Variants in TNR observed in about 807,000 individuals in gnomAD.
TNR encodes tenascin-R.
TNR carries 45 observed loss-of-function variants against 150.4 expected under a neutral mutation model. The observed-to-expected ratio is 0.30, with a 90% CI of 0.24 to 0.38. The LOEUF is 0.38. TNR is among the 10% of genes least tolerant of loss of function. The pLI, the probability that TNR is intolerant of heterozygous loss-of-function variation, is 1.00. For synonymous variants in TNR, 687 were observed against 678.4 expected (o/e 1.01, Z -0.20); for missense variants, 1,544 against 1,759.1 (o/e 0.88, Z 2.19).
At chr1:175,491,550 A>G (rs2102139471) in intron 2 of TNR, among the ~76,000 whole-genome samples, 1 of 151,790 alleles carries the variant, frequency 6.6e-6, no homozygotes. Context: ...TACACAAGTT[A>G]GTGGAAGCAT....
chr1:175,586,289 C>G (rs1274521349), intron 1 of TNR, among the ~76,000 whole-genome samples: 2 of 152,142 alleles, frequency 1.3e-5, no homozygotes, highest in African/African-American at 4.8e-5. Flanking sequence ...CTTTAGTTGT[C>G]TTTTTATTTC....
At chr1:175,424,658 G>A (rs1654891746) in intron 2 of TNR, among the ~76,000 whole-genome samples, 1 of 152,174 alleles carries the variant, frequency 6.6e-6, no homozygotes, top group Admixed American at 6.5e-5. Flanking sequence ...GAAGGTTGGG[G>A]GAAGAGAAAT....
chr1:175,519,221 G>A (rs1000558158), intron 2 of TNR, among the ~76,000 whole-genome samples: 1 of 152,170 alleles, frequency 6.6e-6, no homozygotes, highest in Non-Finnish European at 1.5e-5. Context: ...AACTACCAAT[G>A]TCTTCCTTAA....
chr1:175,393,979 C>A, intron 5 of TNR, 84 bp from the exon 6 acceptor site: 6 of 1,074,840 alleles, frequency 5.6e-6, no homozygotes, highest in Non-Finnish European at 8.6e-6. Context: ...TTGGTGAACT[C>A]CCTCCACGCC....
chr1:175,539,332 A>T (rs1445526198), intron 1 of TNR, among the ~76,000 whole-genome samples: 1 of 152,260 alleles, frequency 6.6e-6, no homozygotes. Flanking sequence ...CTCACAGCCC[A>T]TGAAGAAGAC....
chr1:175,430,180 A>G (rs1249041522), intron 2 of TNR, among the ~76,000 whole-genome samples: 7 of 152,122 alleles, frequency 4.6e-5, no homozygotes, highest in Non-Finnish European at 1.5e-5. Context: ...AATAGTTTGG[A>G]CAACAAATTC....
chr1:175,444,865 A>G (rs1373954670), intron 2 of TNR, among the ~76,000 whole-genome samples: 2 of 152,222 alleles, frequency 1.3e-5, no homozygotes, highest in Admixed American at 1.3e-4. Context: ...GGACAGAGGA[A>G]GGAATGACTC....
chr1:175,721,468 A>C (rs918126570), intron 1 of TNR, among the ~76,000 whole-genome samples: 1 of 151,910 alleles, frequency 6.6e-6, no homozygotes, highest in Admixed American at 6.6e-5. Context: ...TGTTCACCCC[A>C]CCCAGGTTTT....
intron 2 of TNR, among the ~76,000 whole-genome samples, chr1:175,447,022 A>G (rs6677210): frequency 0.25 from 38,398 of 152,070 alleles, 5,144 homozygotes; most frequent in East Asian, 0.5. Context: ...TATGTGTGGT[A>G]TGTTATATGC....
At chr1:175,562,037 T>C (rs1661450841) in intron 1 of TNR, among the ~76,000 whole-genome samples, 1 of 152,162 alleles carries the variant, frequency 6.6e-6, no homozygotes. Context: ...CCATCACCTG[T>C]GGAAGAAGGA....
rs1192778522 is a variant in TNR, at chr1:175,712,765, T to C, written c.-165+30461A>G. Among the ~76,000 whole-genome samples the C allele has an allele frequency of 3.9e-5, 6 of 152,208 alleles. No homozygotes were observed. The East Asian group carries it at 9.6e-4, about 24-fold the overall frequency. On this transcript the variant is annotated intron_variant, in intron 1 of 22. Coordinates refer to ENST00000367674, the MANE Select transcript of TNR (RefSeq NM_003285.3). ...GCTCCCCCTTTGCCTTCCACCATGA[T>C]TGTGAGCTTCCTGAGGCCTCCCGAG...
intron 2 of TNR, among the ~76,000 whole-genome samples, chr1:175,425,623 G>T (rs899685805): frequency 1.3e-5 from 2 of 152,184 alleles, no homozygotes; most frequent in Non-Finnish European, 2.9e-5. Context: ...TGAGAAAATG[G>T]CCTTAATTGA....
chr1:175,364,756 T>C (rs369937235), intron 12 of TNR, among the ~76,000 whole-genome samples: 1 of 152,334 alleles, frequency 6.6e-6, no homozygotes, highest in East Asian at 1.9e-4. Context: ...GGGAGGTCTT[T>C]TGGACAAATG....
chr1:175,428,875 G>A (rs1655133360), intron 2 of TNR, among the ~76,000 whole-genome samples: 1 of 152,154 alleles, frequency 6.6e-6, no homozygotes, highest in Admixed American at 6.5e-5. Context: ...ACAATTAACT[G>A]GATATCCAGG....
At chr1:175,581,256 G>T (rs1226027239) in intron 1 of TNR, among the ~76,000 whole-genome samples, 1 of 152,150 alleles carries the variant, frequency 6.6e-6, no homozygotes, top group Non-Finnish European at 1.5e-5. Flanking sequence ...CCAGAGCAGG[G>T]GTTGCTGGAT....
intron 20 of TNR, among the ~76,000 whole-genome samples, chr1:175,331,218 CTTCT>C (rs1649904873): frequency 7.8e-6 from 1 of 128,680 alleles, no homozygotes; most frequent in Admixed American, 8.2e-5. Context: ...TCCTTCCTTC[CTTCT>C]TTCCTGCCTC....
At chr1:175,714,917 C>T (rs1667114036) in intron 1 of TNR, among the ~76,000 whole-genome samples, 1 of 152,212 alleles carries the variant, frequency 6.6e-6, no homozygotes, top group South Asian at 2.1e-4. Flanking sequence ...AGGGGAGAGG[C>T]AGTCCCCAAA....
At chr1:175,608,261 C>T (rs1328865347) in intron 1 of TNR, among the ~76,000 whole-genome samples, 2 of 152,190 alleles carry the variant, frequency 1.3e-5, no homozygotes, top group Non-Finnish European at 2.9e-5. Context: ...GGATACATAG[C>T]TTATAAGATG....
intron 4 of TNR, among the ~76,000 whole-genome samples, chr1:175,399,307 C>T (rs577521779): frequency 6.6e-6 from 1 of 152,148 alleles, no homozygotes; most frequent in Non-Finnish European, 1.5e-5. Context: ...GCATTTGGAA[C>T]AAATCAGCGT....
Sources: allele counts gnomAD v4.1 joint callset (sites outside exome capture counted in the v4.1 genomes callset), GRCh38; gene constraint gnomAD v4.1.1; transcripts MANE v1.5; gene names NCBI Gene and HGNC (gene_info 2026-07-23, HGNC 2026-07-21).